The following BTBD10 variants were observed in gnomAD, a reference collection of about 807,000 sequenced individuals.
BTBD10 encodes the protein BTB domain containing 10.
In BTBD10, 21 loss-of-function variants were observed where a neutral mutation model predicts 53.2. The ratio of observed to expected loss-of-function variants is 0.39; its 90% CI spans 0.28 to 0.57. The LOEUF (loss-of-function observed/expected upper bound fraction) is 0.57. BTBD10 is among the 20% of genes least tolerant of loss of function. BTBD10 has a pLI of 0.53. For missense variants in BTBD10, 360 were observed against 594.7 expected (o/e 0.61, Z 4.10); for synonymous variants, 149 against 192.7 (o/e 0.77, Z 1.88).
intron 2 of BTBD10, among the ~76,000 whole-genome samples, chr11:13,430,552 T>A (rs565554942): frequency 7.7e-4 from 117 of 152,250 alleles, no homozygotes; most frequent in African/African-American, 2.8e-3. Flanking sequence ...GAAGACATTA[T>A]CCATAAAAAA....
chr11:13,461,104 A>T (rs1425380441), intron 1 of BTBD10, among the ~76,000 whole-genome samples: 1 of 152,192 alleles, frequency 6.6e-6, no homozygotes, highest in African/African-American at 2.4e-5. Flanking sequence ...CATTTTTCCC[A>T]AGACCCCTTA....
At chr11:13,398,396 T>C (rs902541492) in intron 8 of BTBD10, among the ~76,000 whole-genome samples, 37 of 152,142 alleles carry the variant, frequency 2.4e-4, no homozygotes, top group African/African-American at 8.9e-4. Flanking sequence ...ATTTGCTTGG[T>C]AGATCTTCCT....
intron 8 of BTBD10, among the ~76,000 whole-genome samples, chr11:13,400,202 G>C (rs1357715325): frequency 6.6e-6 from 1 of 152,244 alleles, no homozygotes; most frequent in Non-Finnish European, 1.5e-5. Context: ...CACCCAGTTC[G>C]AGCTTCCAGG....
At chr11:13,449,315 A>G (rs533645309) in intron 1 of BTBD10, among the ~76,000 whole-genome samples, 1 of 152,186 alleles carries the variant, frequency 6.6e-6, no homozygotes, top group East Asian at 1.9e-4. Flanking sequence ...GGAAGTTTAT[A>G]TATTTTCTCC....
At chr11:13,427,304 C>CTATG (rs2133986059) in intron 2 of BTBD10, among the ~76,000 whole-genome samples, 1 of 152,270 alleles carries the variant, frequency 6.6e-6, no homozygotes, top group Non-Finnish European at 1.5e-5. Flanking sequence ...GAAAGATACA[C>CTATG]TATGCTAGCA....
intron 1 of BTBD10, among the ~76,000 whole-genome samples, chr11:13,449,314 T>C (rs1437475062): frequency 3.3e-5 from 5 of 152,228 alleles, no homozygotes; most frequent in African/African-American, 9.6e-5. Flanking sequence ...AGGAAGTTTA[T>C]ATATTTTCTC....
intron 5 of BTBD10, among the ~76,000 whole-genome samples, chr11:13,415,514 G>C (rs181352230): frequency 1.3e-5 from 2 of 151,564 alleles, no homozygotes; most frequent in African/African-American, 2.4e-5. Context: ...CTTCTCCCCA[G>C]TAAATACAAA....
intron 1 of BTBD10, among the ~76,000 whole-genome samples, chr11:13,451,711 G>A (rs1267893839): frequency 6.6e-6 from 1 of 152,058 alleles, no homozygotes; most frequent in African/African-American, 2.4e-5. Context: ...AAAATTATAA[G>A]ACATGCAAAA....
chr11:13,427,923 A>G (rs1950374756), intron 2 of BTBD10, among the ~76,000 whole-genome samples: 4 of 152,170 alleles, frequency 2.6e-5, no homozygotes. Context: ...AGTTTGAACT[A>G]AAAGAAAGTG....
At chr11:13,418,087 T>G (rs1265093765) in intron 4 of BTBD10, among the ~76,000 whole-genome samples, 1 of 152,108 alleles carries the variant, frequency 6.6e-6, no homozygotes, top group Non-Finnish European at 1.5e-5. Flanking sequence ...ACGGTTGAAC[T>G]AAGTTTTCTA....
chr11:13,460,719 C>T (rs1292701336), intron 1 of BTBD10, among the ~76,000 whole-genome samples: 1 of 152,232 alleles, frequency 6.6e-6, no homozygotes, highest in African/African-American at 2.4e-5. Context: ...CCTCCAATCT[C>T]CATCTGGCAT....
In BTBD10 at chr11:13,388,835, A is replaced by G; in HGVS notation, c.1424T>C (p.Leu475Pro). 4 of 1,609,724 alleles carry G rather than the reference A, an allele frequency of 2.5e-6. No homozygotes were observed. The highest frequency in any genetic ancestry group is 4.5e-5 in the East Asian group (2 of 44,804). The change falls in exon 9 of 9, where the codon CTG becomes CCG. Residue 475 changes from leucine to proline, a missense_variant. Transcript: ENST00000278174. ...TGGTTTCAAGGAAGATCAGCATCAC[A>G]GCATTGGATTCTGTGCATCAGGATC... Reference protein sequence around the residue: ...DLDPDAQNPML With the variant: ...DLDPDAQNPMP
intron 1 of BTBD10, among the ~76,000 whole-genome samples, chr11:13,446,253 G>C (rs887653111): frequency 1.3e-5 from 2 of 152,082 alleles, no homozygotes; most frequent in Admixed American, 6.6e-5. Flanking sequence ...TTTGATGGTG[G>C]GAGGTGAGGT....
intron 1 of BTBD10, among the ~76,000 whole-genome samples, chr11:13,460,133 TG>T (rs1370872124): frequency 2.0e-5 from 3 of 152,206 alleles, no homozygotes; most frequent in Non-Finnish European, 2.9e-5. Context: ...TAGCTTGGCC[TG>T]AGATGACTGA....
At chr11:13,427,478 G>T (rs1452335504) in intron 2 of BTBD10, among the ~76,000 whole-genome samples, 1 of 152,052 alleles carries the variant, frequency 6.6e-6, no homozygotes, top group Non-Finnish European at 1.5e-5. Flanking sequence ...CAAAATACAG[G>T]AAGCAAAAAC....
intron 8 of BTBD10, among the ~76,000 whole-genome samples, chr11:13,394,876 CA>C (rs1949500522): frequency 6.6e-6 from 1 of 151,880 alleles, no homozygotes; most frequent in African/African-American, 2.4e-5. Flanking sequence ...ATGAACTCAT[CA>C]TTTTTTATGG....
At chr11:13,409,030 G>C (rs10766080) in intron 6 of BTBD10, among the ~76,000 whole-genome samples, 117,725 of 152,012 alleles carry the variant, frequency 0.77, 46,342 homozygotes, top group Middle Eastern at 0.88. Context: ...GTTCAAACCC[G>C]TCCCATATCT....
At chr11:13,444,463 T>G (rs1950718273) in intron 2 of BTBD10, among the ~76,000 whole-genome samples, 1 of 152,088 alleles carries the variant, frequency 6.6e-6, no homozygotes, top group Non-Finnish European at 1.5e-5. Context: ...CAGCAGAAAA[T>G]GAAAGTTTTA....
intron 1 of BTBD10, among the ~76,000 whole-genome samples, chr11:13,461,689 C>G (rs192610193): frequency 2.0e-5 from 3 of 152,276 alleles, no homozygotes; most frequent in Admixed American, 6.5e-5. Flanking sequence ...AGAAGTCTAT[C>G]TGAAAGCTTT....
Sources: allele counts gnomAD v4.1 joint callset (sites outside exome capture counted in the v4.1 genomes callset), GRCh38; gene constraint gnomAD v4.1.1; transcripts MANE v1.5; gene names NCBI Gene and HGNC (gene_info 2026-07-23, HGNC 2026-07-21).